SORCS3: variants seen among roughly 807,000 people sequenced by gnomAD.
The protein encoded by SORCS3 is sortilin related VPS10 domain containing receptor 3.
Under a neutral mutation model 146.3 loss-of-function variants are expected in SORCS3, and 57 were observed. The ratio of observed to expected loss-of-function variants is 0.39; its 90% CI spans 0.31 to 0.49. The LOEUF (loss-of-function observed/expected upper bound fraction) is 0.49, where lower values mean the gene tolerates loss of function less well. SORCS3 is among the 20% of genes least tolerant of loss of function. The pLI is 0.92. For missense variants in SORCS3, 1,341 were observed against 1,575.5 expected, an observed-to-expected ratio of 0.85 and a Z score of 2.52; for synonymous variants, 653 against 618.5, an observed-to-expected ratio of 1.06 and a Z score of -0.83.
chr10:105,007,604 C>T (rs2055104584), intron 4 of SORCS3, among the ~76,000 whole-genome samples: 1 of 152,118 alleles, frequency 6.6e-6, no homozygotes, highest in African/African-American at 2.4e-5. Context: ...GATCCACCTG[C>T]CTGACATTCA....
At chr10:104,688,350 G>A (rs556257120) in intron 1 of SORCS3, among the ~76,000 whole-genome samples, 238 of 152,322 alleles carry the variant, frequency 1.6e-3, no homozygotes, top group Non-Finnish European at 2.7e-3. Context: ...CAGAGGCTGC[G>A]TGTGTGGGGG....
chr10:104,901,553 T>G (rs983942928), intron 2 of SORCS3, among the ~76,000 whole-genome samples: 21 of 152,216 alleles, frequency 1.4e-4, no homozygotes, highest in African/African-American at 5.1e-4. Flanking sequence ...AATAGCACTC[T>G]TGAGCCCCTT....
intron 4 of SORCS3, among the ~76,000 whole-genome samples, chr10:105,041,033 AT>A (rs1022089200): frequency 8.8e-5 from 13 of 146,918 alleles, no homozygotes; most frequent in Admixed American, 2.1e-4. Context: ...TTTTATATAC[AT>A]TTTTAGCATA....
intron 2 of SORCS3, among the ~76,000 whole-genome samples, chr10:104,845,299 C>T (rs1422432458): frequency 6.6e-6 from 1 of 152,132 alleles, no homozygotes; most frequent in South Asian, 2.1e-4. Flanking sequence ...CACATCTAAG[C>T]TTGTAGAGAG....
At chr10:104,950,490 T>G (rs985239672) in intron 3 of SORCS3, among the ~76,000 whole-genome samples, 2 of 152,194 alleles carry the variant, frequency 1.3e-5, no homozygotes, top group African/African-American at 4.8e-5. Context: ...AAATAAGATT[T>G]CTTAGTTTAC....
intron 1 of SORCS3, among the ~76,000 whole-genome samples, chr10:104,708,978 C>T (rs1490862010): frequency 1.3e-4 from 20 of 152,214 alleles, no homozygotes; most frequent in Non-Finnish European, 2.2e-4. Flanking sequence ...GGCTCATTAG[C>T]GTGCAGTGGA....
At chr10:105,089,579 C>T (rs1356067407) in intron 5 of SORCS3, among the ~76,000 whole-genome samples, 196 bp from the exon 6 acceptor site, 1 of 152,140 alleles carries the variant, frequency 6.6e-6, no homozygotes, top group African/African-American at 2.4e-5. Flanking sequence ...GTCTCATGAC[C>T]CTTACAGATG....
intron 7 of SORCS3, among the ~76,000 whole-genome samples, chr10:105,135,809 C>T (rs1564763662): frequency 6.6e-6 from 1 of 152,174 alleles, no homozygotes; most frequent in African/African-American, 2.4e-5. Flanking sequence ...ATTTCCAATA[C>T]CTTACTCCTC....
intron 1 of SORCS3, among the ~76,000 whole-genome samples, chr10:104,796,318 C>T (rs1431539529): frequency 1.3e-5 from 2 of 152,214 alleles, no homozygotes; most frequent in Non-Finnish European, 2.9e-5. Context: ...ATAGCACTGG[C>T]TCATTTGATG....
intron 23 of SORCS3, among the ~76,000 whole-genome samples, chr10:105,253,316 A>G (rs2056912255): frequency 6.6e-6 from 1 of 152,148 alleles, no homozygotes; most frequent in Admixed American, 6.5e-5. Context: ...GCCCTTAAAG[A>G]TCCTGGCCAA....
chr10:105,157,400 A>G, intron 10 of SORCS3, 116 bp downstream of exon 10: 2 of 1,272,694 alleles, frequency 1.6e-6, no homozygotes. Flanking sequence ...CAGAGCAGTA[A>G]TTTTCTAAAA....
intron 6 of SORCS3, among the ~76,000 whole-genome samples, chr10:105,101,772 C>T (rs1273152591): frequency 2.0e-5 from 3 of 152,078 alleles, no homozygotes; most frequent in Non-Finnish European, 4.4e-5. Context: ...AGAAGGTGTC[C>T]CCCTGTGTGT....
chr10:105,262,256 T>TC, intron 25 of SORCS3, 75 bp from the exon 26 acceptor site: 1 of 1,377,936 alleles, frequency 7.3e-7, no homozygotes. Flanking sequence ...CCTCCCCTTA[T>TC]CCCCCAGGAT....
In SORCS3 at chr10:105,216,996, G is replaced by T. The variant is rs367942325; in HGVS notation, c.2608G>T (p.Ala870Ser). 6.2e-7 allele frequency: 1 copy of T among 1,614,128 alleles called. No individual in the cohort carries two copies. The highest frequency in any genetic ancestry group is 2.2e-5 in the East Asian group (1 of 44,874). ...TGGGGATGGGATTGCTGTGTCCTACGCAAACTTCAGCCCCATCGAGGACGG... is the reference window on the plus strand; with the variant it reads ...TGGGGATGGGATTGCTGTGTCCTACTCAAACTTCAGCCCCATCGAGGACGG... ...DFGDGIAVSYANFSPIEDGIK... is the reference protein window; with the variant it reads ...DFGDGIAVSYSNFSPIEDGIK... The change falls in exon 19 of 27, where the codon GCA (alanine) becomes TCA (serine). Residue 870 changes from alanine (A) to serine (S), a missense_variant. Transcript: ENST00000369701.
chr10:105,198,661 G>C (rs2056557270), intron 14 of SORCS3, among the ~76,000 whole-genome samples: 1 of 152,132 alleles, frequency 6.6e-6, no homozygotes, highest in African/African-American at 2.4e-5. Context: ...GGTTTGCTTT[G>C]CTCCACAGTG....
chr10:105,246,313 T>G (rs2056866015), intron 21 of SORCS3, among the ~76,000 whole-genome samples: 1 of 152,196 alleles, frequency 6.6e-6, no homozygotes, highest in African/African-American at 2.4e-5. Context: ...TGTGGTTTTC[T>G]TTTCTTTTCT....
At chr10:104,961,786 C>A (rs968349537) in intron 3 of SORCS3, among the ~76,000 whole-genome samples, 3 of 152,082 alleles carry the variant, frequency 2.0e-5, no homozygotes, top group Non-Finnish European at 4.4e-5. Flanking sequence ...CACTGATGAA[C>A]CCCAAATACA....
intron 1 of SORCS3, among the ~76,000 whole-genome samples, chr10:104,803,482 C>T (rs756354634): frequency 6.6e-6 from 1 of 152,162 alleles, no homozygotes; most frequent in African/African-American, 2.4e-5. Flanking sequence ...TCTCCTCAAC[C>T]AGCTCACCTT....
chr10:104,723,506 A>T (rs865865504), intron 1 of SORCS3, among the ~76,000 whole-genome samples: 11 of 152,166 alleles, frequency 7.2e-5, no homozygotes, highest in African/African-American at 2.7e-4. Context: ...TGCTTGATGC[A>T]GAGCTGAGTT....
Sources: allele counts gnomAD v4.1 joint callset (sites outside exome capture counted in the v4.1 genomes callset), GRCh38; gene constraint gnomAD v4.1.1; transcripts MANE v1.5; gene names NCBI Gene and HGNC (gene_info 2026-07-23, HGNC 2026-07-21).